Variants in XIRP2 observed in about 807,000 individuals in gnomAD.
XIRP2 encodes the protein xin actin binding repeat containing 2, also known as xin actin-binding repeat-containing protein 2.
In XIRP2, 236 loss-of-function variants were observed where a neutral mutation model predicts 277.0. The observed-to-expected ratio is 0.85, with a 90% CI of 0.77 to 0.95. The LOEUF (loss-of-function observed/expected upper bound fraction) is 0.95. Ranked by LOEUF, XIRP2 falls within the 40% of genes least tolerant of loss-of-function variation. The pLI is 0.00. For synonymous variants in XIRP2, 1,490 were observed against 1,416.5 expected (o/e 1.05, Z -1.17); for missense variants, 4,640 against 4,157.5 (o/e 1.12, Z -3.19).
chr2:166,910,513 A>G (rs1264717137), intron 2 of XIRP2, among the ~76,000 whole-genome samples: 4 of 151,252 alleles, frequency 2.6e-5, no homozygotes, highest in African/African-American at 7.3e-5. Context: ...TTTCTTCTTT[A>G]TTAGTCTTGC....
intron 2 of XIRP2, among the ~76,000 whole-genome samples, chr2:167,081,866 T>C (rs1453714841): frequency 1.5e-4 from 23 of 152,170 alleles, no homozygotes. Context: ...TTTCCATCAA[T>C]TGTGGTACCT....
At chr2:167,218,406 CT>C (rs1694322891) in intron 5 of XIRP2, 106 bp downstream of exon 5, 1 of 1,073,104 alleles carries the variant, frequency 9.3e-7, no homozygotes, top group South Asian at 3.6e-5. Context: ...ATTTTCATTA[CT>C]CATTAACAAA....
intron 1 of XIRP2, chr2:166,889,596 C>G (rs1452882257): frequency 6.5e-6 from 1 of 153,090 alleles, no homozygotes; most frequent in Non-Finnish European, 1.5e-5. Flanking sequence ...CCTTCTCCCA[C>G]TGTTTCCAGA....
At chr2:166,940,398 C>T (rs965870486) in intron 2 of XIRP2, among the ~76,000 whole-genome samples, 23 of 152,276 alleles carry the variant, frequency 1.5e-4, no homozygotes, top group African/African-American at 4.8e-4. Flanking sequence ...TGAACTTCCT[C>T]CTTTAGCTTG....
intron 3 of XIRP2, among the ~76,000 whole-genome samples, chr2:167,208,762 G>A (rs916193468): frequency 1.3e-5 from 2 of 152,222 alleles, no homozygotes; most frequent in East Asian, 3.9e-4. Flanking sequence ...CCAAAAAAAA[G>A]CCTGAACTTC....
intron 2 of XIRP2, among the ~76,000 whole-genome samples, chr2:166,975,532 G>T (rs1686687657): frequency 6.6e-6 from 1 of 152,024 alleles, no homozygotes. Context: ...GGTGTATTTG[G>T]GGGACAAAGA....
intron 3 of XIRP2, among the ~76,000 whole-genome samples, chr2:167,192,801 G>A (rs77231556): frequency 0.014 from 2,085 of 152,192 alleles, 57 homozygotes; most frequent in African/African-American, 0.048. Flanking sequence ...GACAAGGGAG[G>A]CACTGAGGAA....
At chr2:167,181,372 G>A (rs6432981) in intron 3 of XIRP2, among the ~76,000 whole-genome samples, 3 of 152,086 alleles carry the variant, frequency 2.0e-5, no homozygotes, top group Admixed American at 6.5e-5. Flanking sequence ...TGTGATTCAC[G>A]TTTGTTGCTC....
At chr2:166,983,162 T>C (rs146060280) in intron 2 of XIRP2, among the ~76,000 whole-genome samples, 7 of 152,264 alleles carry the variant, frequency 4.6e-5, no homozygotes, top group Admixed American at 6.5e-5. Context: ...TTTAAAAAGT[T>C]TTTTTCATCT....
intron 2 of XIRP2, among the ~76,000 whole-genome samples, chr2:166,985,662 C>T (rs968790936): frequency 3.9e-5 from 6 of 152,118 alleles, no homozygotes; most frequent in African/African-American, 1.4e-4. Flanking sequence ...GATCTCCAGA[C>T]TTGTGATCCG....
intron 2 of XIRP2, among the ~76,000 whole-genome samples, chr2:166,997,926 A>T (rs1314307441): frequency 6.6e-6 from 1 of 151,874 alleles, no homozygotes; most frequent in African/African-American, 2.4e-5. Flanking sequence ...AAAGAAGAAG[A>T]AGTTCAGTTG....
chr2:166,985,598 T>A (rs751839682), intron 2 of XIRP2, among the ~76,000 whole-genome samples: 3 of 152,090 alleles, frequency 2.0e-5, no homozygotes, highest in African/African-American at 7.2e-5. Flanking sequence ...GCCCAGCTAA[T>A]TTTTGGTATT....
intron 2 of XIRP2, among the ~76,000 whole-genome samples, chr2:167,089,374 A>G (rs1690074574): frequency 6.6e-6 from 1 of 152,158 alleles, no homozygotes; most frequent in Non-Finnish European, 1.5e-5. Flanking sequence ...ATGTTGTTCC[A>G]TGAAAAAGCA....
chr2:167,159,625 C>A lies in XIRP2; in HGVS notation c.562+23563C>A, dbSNP rs964104743. ...CCTTTTCTGACCATGAGACATTGGG[C>A]AAAATATGTTGGGAAAAATATTTAA... On this transcript the variant is annotated intron_variant, in intron 3 of 10. Transcript: ENST00000409195. Among the ~76,000 whole-genome samples the A allele has an allele frequency of 2.4e-4, 37 of 151,802 alleles. 1 individual carries two copies. The highest frequency in any genetic ancestry group is 9.0e-4 in the African/African-American group (37 of 41,316).
Position 167,241,835 on chromosome 2 carries a change from G to A in XIRP2, c.1101G>A (p.Glu367=). The change falls in exon 8 of 11, where the codon GAG becomes GAA. Residue 367 remains glutamate (E), a synonymous_variant. Coordinates refer to ENST00000409195, the MANE Select transcript of XIRP2 (RefSeq NM_152381.6). ...AGGTTTCGACTAAGTTGTTAAAAGA[G>A]CAGTTTGAAAAGTCTGCCCAGGAAA... ...IPKVSTKLLK[E]QFEKSAQEKI... 4 of 1,613,660 alleles carry A rather than the reference G, an allele frequency of 2.5e-6. No individual in the cohort carries two copies. The highest frequency in any genetic ancestry group is 1.1e-5 in the South Asian group (1 of 91,046).
Position 167,020,466 on chromosome 2 carries a change from AT to A in XIRP2, c.409-115441del, listed in dbSNP as rs368791469. 2.6e-4 allele frequency among the ~76,000 whole-genome samples: 39 copies of A among 152,148 alleles called. No homozygotes were observed. In the South Asian group the frequency reaches 8.1e-3, roughly 32 times the overall value. ...TGAACTTATGTAGTATATACAATGT[AT>A]TGCATATGCTATAAAACACCATGTA... On this transcript the variant is annotated intron_variant, in intron 2 of 10. Coordinates refer to ENST00000409195, the MANE Select transcript of XIRP2 (RefSeq NM_152381.6).
At chr2:166,974,934 T>A (rs1220751791) in intron 2 of XIRP2, among the ~76,000 whole-genome samples, 1 of 152,000 alleles carries the variant, frequency 6.6e-6, no homozygotes, top group Admixed American at 6.6e-5. Context: ...AATAAAAGCA[T>A]TGAAAGGATT....
At chr2:167,152,902 A>G (rs926375708) in intron 3 of XIRP2, among the ~76,000 whole-genome samples, 1 of 152,128 alleles carries the variant, frequency 6.6e-6, no homozygotes, top group Non-Finnish European at 1.5e-5. Flanking sequence ...CACAGGCATT[A>G]AAGTCACAGA....
chr2:167,244,312 G>T lies in XIRP2; in HGVS notation c.2920G>T (p.Gly974Cys). 1.2e-6 allele frequency: 2 copies of T among 1,613,720 alleles called. No individual in the cohort carries two copies. The highest frequency in any genetic ancestry group is 1.7e-6 in the Non-Finnish European group (2 of 1,179,834). The part of the protein sequence containing the change: ...HKIEVEGVTR[G>C]AVELNKSLFE... ...AATAGAGGTGGAAGGAGTTACAAGA[G>T]GTGCTGTAGAGTTAAATAAATCTCT... The change falls in exon 9 of 11, where the codon GGT becomes TGT. Residue 974 changes from glycine to cysteine, a missense_variant. Transcript: ENST00000409195.
Sources: gnomAD v4.1 joint callset for allele counts (sites outside exome capture counted in the v4.1 genomes callset) on GRCh38, gnomAD v4.1.1 for gene constraint, MANE v1.5 for transcripts, NCBI Gene and HGNC (gene_info 2026-07-23, HGNC 2026-07-21) for gene names.